THRA: variants seen among roughly 807,000 people sequenced by gnomAD.
THRA encodes EAR-7.
A neutral mutation model predicts 45.0 loss-of-function variants in THRA; 13 were observed. That is an observed-to-expected ratio of 0.29 (90% CI 0.19 to 0.46). The LOEUF is 0.46. Ranked by LOEUF, THRA falls within the 20% of genes least tolerant of loss-of-function variation. The pLI, the probability that THRA is intolerant of heterozygous loss-of-function variation, is 1.00. For synonymous variants in THRA, 195 were observed against 214.0 expected, an observed-to-expected ratio of 0.91 and a Z score of 0.78; for missense variants, 278 against 556.1, an observed-to-expected ratio of 0.50 and a Z score of 5.03.
chr17:40,086,640 G>T (rs1036996678), intron 6 of THRA, 67 bp from the exon 7 acceptor site: 7 of 1,572,642 alleles, frequency 4.5e-6, no homozygotes, highest in African/African-American at 1.3e-5. Context: ...CCCCTGGTGG[G>T]CAGGGAGCCT....
At chr17:40,080,410 C>CA (rs1987097050) in intron 4 of THRA, among the ~76,000 whole-genome samples, 1 of 145,744 alleles carries the variant, frequency 6.9e-6, no homozygotes, top group South Asian at 2.2e-4. Context: ...GTCTTAAAAA[C>CA]AAAAAACAAA....
At chr17:40,074,974 T>C (rs1332474977) in intron 2 of THRA, among the ~76,000 whole-genome samples, 8 of 152,238 alleles carry the variant, frequency 5.3e-5, no homozygotes, top group Non-Finnish European at 1.0e-4. Context: ...TCAGGGCACA[T>C]GCACCAGTAA....
chr17:40,087,001 C>A, intron 7 of THRA, 148 bp downstream of exon 7: 1 of 1,030,744 alleles, frequency 9.7e-7, no homozygotes, highest in Non-Finnish European at 1.4e-6. Flanking sequence ...CAGACACACA[C>A]ACACACATGC....
chr17:40,075,508 CTG>C (rs756812776), intron 2 of THRA, among the ~76,000 whole-genome samples: 10 of 152,336 alleles, frequency 6.6e-5, no homozygotes, highest in Admixed American at 2.6e-4. Context: ...AGGAAGGACT[CTG>C]AGGACGATCT....
At chr17:40,088,612 C>CGA in intron 8 of THRA, 112 bp downstream of exon 8, 1 of 1,369,562 alleles carries the variant, frequency 7.3e-7, no homozygotes, top group Non-Finnish European at 1.0e-6. Context: ...GGCTACCTCT[C>CGA]TGTCACCTGG....
chr17:40,090,732 TAG>T lies in THRA; in HGVS notation c.*1278_*1279del, dbSNP rs1200698826. ...GGGCAGGTACCAGAATGGGGGTGTT[TAG>T]ATAAGTGACACTTAGTTGGGGCCCC... On this transcript the variant is annotated 3_prime_UTR_variant, in exon 9 of 9. Coordinates refer to ENST00000450525, the MANE Select transcript of THRA (RefSeq NM_199334.5). The T allele has an allele frequency of 1.3e-5, 2 of 152,252 alleles. No homozygotes were observed. Among genetic ancestry groups the T allele is most frequent in the Non-Finnish European group, 2.9e-5 (2 of 68,126 alleles). 9.4% of individuals were successfully genotyped at this position (152,252 alleles called of 1,614,324 possible). A position where few individuals can be genotyped will look rare whatever the true frequency, so the allele number is the denominator to read the frequency against.
At position 40,089,214 on chromosome 17, in the gene THRA, G is replaced by C; in HGVS notation, c.991G>C (p.Gly331Arg). 6.2e-7 allele frequency: 1 copy of C among 1,613,740 alleles called. No homozygotes were observed. Among genetic ancestry groups the C allele is most frequent in the Non-Finnish European group, 8.5e-7 (1 of 1,179,956 alleles). ...AVLLMSTDRS[G>R]LLCVDKIEKS... ...CCCCTCTTCCCTCACAGACCGCTCG[G>C]GCCTGCTGTGTGTGGACAAGATCGA... The change falls in exon 9 of 9, where the codon GGC (glycine) becomes CGC (arginine). Residue 331 changes from glycine to arginine, a missense_variant. Coordinates refer to ENST00000450525, the MANE Select transcript of THRA (RefSeq NM_199334.5). This position sits in a 1 kb window ranked among gnomAD's most constrained non-coding sequence, Gnocchi z 6.1.
Position 40,083,917 on chromosome 17 carries a change from T to G in THRA, c.305T>G (p.Ile102Ser). 1 of 1,613,976 alleles carries G rather than the reference T, an allele frequency of 6.2e-7. No individual in the cohort carries two copies. Among genetic ancestry groups the G allele is most frequent in the Non-Finnish European group, 8.5e-7 (1 of 1,179,924 alleles). The change falls in exon 5 of 9, where the codon ATC (isoleucine) becomes AGC (serine). Residue 102 changes from isoleucine (I) to serine (S), a missense_variant. Physicochemically the swap from Ile to Ser is moderately radical, Grantham distance 142. Transcript: ENST00000450525. Reference protein sequence around the residue: ...KYDSCCVIDKITRNQCQLCRF... With the variant: ...KYDSCCVIDKSTRNQCQLCRF... The stretch of plus-strand genomic sequence containing the variant: ...GACAGCTGCTGTGTCATTGACAAGA[T>G]CACCCGCAATCAGTGCCAGCTGTGC...
chr17:40,081,840 G>A (rs549507869), intron 4 of THRA, among the ~76,000 whole-genome samples: 1 of 152,084 alleles, frequency 6.6e-6, no homozygotes, highest in South Asian at 2.1e-4. Context: ...GTGGGCACCT[G>A]TAGTCCCAGC....
Position 40,077,581 on chromosome 17 carries a change from C to T in THRA, c.195C>T (p.Tyr65=). 4 of 1,614,076 alleles carry T rather than the reference C, an allele frequency of 2.5e-6. No individual in the cohort carries two copies. The highest frequency in any genetic ancestry group is 3.4e-6 in the Non-Finnish European group (4 of 1,179,962). Reference sequence around the variant, plus strand: ...GGGACAAGGCAACTGGTTATCACTACCGCTGTATCACTTGTGAGGGCTGCA... The same window carrying T: ...GGGACAAGGCAACTGGTTATCACTATCGCTGTATCACTTGTGAGGGCTGCA... ...VCGDKATGYH[Y]RCITCEGCKG... The change falls in exon 4 of 9, where the codon TAC becomes TAT. Residue 65 remains tyrosine (Y), a synonymous_variant. Coordinates refer to ENST00000450525, the MANE Select transcript of THRA (RefSeq NM_199334.5).
chr17:40,068,643 G>T (rs898074899), intron 1 of THRA, among the ~76,000 whole-genome samples: 1 of 152,178 alleles, frequency 6.6e-6, no homozygotes, highest in African/African-American at 2.4e-5. Context: ...GCTGTTTTGG[G>T]GGTGGGCATT....
At chr17:40,077,673 T>A in intron 4 of THRA, 65 bp downstream of exon 4, 2 of 1,295,364 alleles carry the variant, frequency 1.5e-6, no homozygotes, top group Non-Finnish European at 2.2e-6. Flanking sequence ...CTATGTCACC[T>A]AAAGCCCGCC....
In THRA at chr17:40,092,956, C is replaced by T; in HGVS notation, c.*3500C>T. On this transcript the variant is annotated 3_prime_UTR_variant, in exon 9 of 9. Transcript: ENST00000450525. The stretch of plus-strand genomic sequence containing the variant: ...AAGGCTCAGGGGGCCAGAGGCTCAT[C>T]TTGGAATATTTTATAACAATATAAA... The T allele has an allele frequency of 6.4e-7, 1 of 1,560,288 alleles. No homozygotes were observed. Among genetic ancestry groups the T allele is most frequent in the East Asian group, 2.3e-5 (1 of 44,066 alleles).
intron 1 of THRA, among the ~76,000 whole-genome samples, chr17:40,067,039 G>A (rs978726443): frequency 3.3e-5 from 5 of 152,204 alleles, no homozygotes; most frequent in Admixed American, 1.3e-4. Context: ...TGGAGAATTG[G>A]GTCTCCTAGA....
At chr17:40,093,384 G>A, downstream of THRA, 3 of 1,609,232 alleles carry the variant, frequency 1.9e-6, no homozygotes, top group Middle Eastern at 1.8e-4. This position sits in a 1 kb window ranked among gnomAD's most constrained non-coding sequence, Gnocchi z 5.9. Context: ...TCTCCCTGAA[G>A]CCCCCCAGAA....
Position 40,091,259 on chromosome 17 carries a change from C to G in THRA, c.*1803C>G, listed in dbSNP as rs1388076961. 1.3e-5 allele frequency: 2 copies of G among 155,916 alleles called. No homozygotes were observed. The highest frequency in any genetic ancestry group is 2.0e-4 in the South Asian group (1 of 4,930). 9.7% of individuals were successfully genotyped at this position (155,916 alleles called of 1,614,324 possible). ...ACACACACACACACACACACACACA[C>G]ACACACACACACGGACATGCACACA... On this transcript the variant is annotated 3_prime_UTR_variant, in exon 9 of 9. Coordinates refer to ENST00000450525, the MANE Select transcript of THRA (RefSeq NM_199334.5).
At chr17:40,087,336 C>T in intron 7 of THRA, among the ~76,000 whole-genome samples, 1 of 139,274 alleles carries the variant, frequency 7.2e-6, no homozygotes, top group Non-Finnish European at 1.5e-5. Flanking sequence ...GACATATACA[C>T]CTAGCACACA....
intron 1 of THRA, among the ~76,000 whole-genome samples, chr17:40,073,158 C>T (rs894011620): frequency 2.0e-5 from 3 of 152,178 alleles, no homozygotes; most frequent in Non-Finnish European, 4.4e-5. Flanking sequence ...AGCCACGTGA[C>T]AGAGGTTGAG....
intron 2 of THRA, among the ~76,000 whole-genome samples, chr17:40,076,558 G>A (rs1024758991): frequency 6.6e-6 from 1 of 152,162 alleles, no homozygotes; most frequent in African/African-American, 2.4e-5. Context: ...TTCTTCCAGC[G>A]TATTCGTCAT....
Sources: allele counts gnomAD v4.1 joint callset (sites outside exome capture counted in the v4.1 genomes callset), GRCh38; gene constraint gnomAD v4.1.1; non-coding constraint Gnocchi (gnomAD v3.1); transcripts MANE v1.5; gene names NCBI Gene and HGNC (gene_info 2026-07-23, HGNC 2026-07-21).